URB1: variants seen among roughly 807,000 people sequenced by gnomAD.
URB1 encodes nucleolar pre-ribosomal-associated protein 1.
A neutral mutation model predicts 242.3 loss-of-function variants in URB1; 197 were observed. The ratio of observed to expected loss-of-function variants is 0.81; its 90% confidence interval spans 0.72 to 0.91. URB1 has a LOEUF of 0.91. URB1 is among the 40% of genes least tolerant of loss of function. The pLI, the probability that URB1 is intolerant of heterozygous loss-of-function variation, is 0.00. For missense variants in URB1, 2,721 were observed against 2,860.5 expected, an observed-to-expected ratio of 0.95 and a Z score of 1.11; for synonymous variants, 1,153 against 1,201.8, an observed-to-expected ratio of 0.96 and a Z score of 0.84.
At chr21:32,322,649 A>G in intron 32 of URB1, 65 bp from the exon 33 acceptor site, 2 of 1,203,248 alleles carry the variant, frequency 1.7e-6, no homozygotes, top group Non-Finnish European at 2.4e-6. Flanking sequence ...GTCTGGCAGC[A>G]CTAAGAGGCA....
At chr21:32,358,621 C>T (rs930039032) in intron 14 of URB1, among the ~76,000 whole-genome samples, 1 of 152,164 alleles carries the variant, frequency 6.6e-6, no homozygotes, top group Non-Finnish European at 1.5e-5. Flanking sequence ...CAGATATAAG[C>T]ATAAGGTGGG....
At chr21:32,348,175 G>T (rs1025917651) in intron 21 of URB1, among the ~76,000 whole-genome samples, 3 of 152,156 alleles carry the variant, frequency 2.0e-5, no homozygotes, top group Non-Finnish European at 4.4e-5. Context: ...CACTCAGTGT[G>T]GGGGGCGGGC....
intron 30 of URB1, among the ~76,000 whole-genome samples, chr21:32,330,197 GTTTTTTTTTTTT>G (rs34078592): frequency 3.5e-5 from 3 of 84,700 alleles, no homozygotes; most frequent in Admixed American, 1.4e-4. Context: ...TTTGGGGAGT[GTTTTTTTTTTTT>G]TTTTTTTTTT....
chr21:32,343,317 A>G (rs1230042736), intron 24 of URB1, among the ~76,000 whole-genome samples: 1 of 152,246 alleles, frequency 6.6e-6, no homozygotes, highest in East Asian at 1.9e-4. Flanking sequence ...ATCATACAGT[A>G]GAATTCTACT....
At chr21:32,352,932 G>A (rs2033175080) in intron 18 of URB1, 26 bp from the exon 19 acceptor site, 2 of 1,515,132 alleles carry the variant, frequency 1.3e-6, no homozygotes, top group Admixed American at 2.0e-5. Context: ...ATGCATATGG[G>A]AAGAGGCTGG....
intron 12 of URB1, among the ~76,000 whole-genome samples, chr21:32,361,663 A>G (rs1324118714): frequency 6.6e-6 from 1 of 152,224 alleles, no homozygotes; most frequent in African/African-American, 2.4e-5. Context: ...AGAGAGACAC[A>G]GTGCTCGCAT....
Position 32,316,739 on chromosome 21 carries a change from G to A in URB1, c.6361C>T (p.Leu2121Phe). The A allele has an allele frequency of 1.3e-6, 2 of 1,551,356 alleles. No individual in the cohort carries two copies. The highest frequency in any genetic ancestry group is 1.2e-5 in the South Asian group (1 of 84,058). The change falls in exon 38 of 39, where the codon CTC becomes TTC. Residue 2121 changes from leucine to phenylalanine, a missense_variant. Physicochemically the swap from Leu to Phe is conservative, Grantham distance 22. Transcript: ENST00000382751. ...ATATGGCTCTTAAGCCAGCCAATGA[G>A]TCCTGCAGCCTCTGCCCTGCTGAGC... Reference protein sequence around the residue: ...HPLSRAEAAGLIGWLKSHILP... With the variant: ...HPLSRAEAAGFIGWLKSHILP...
At position 32,341,543 on chromosome 21, in the gene URB1, A is replaced by C. The variant is rs2033030176; in HGVS notation, c.4258-19T>G. On this transcript the variant is annotated intron_variant, in intron 24 of 38. Transcript: ENST00000382751. ...GTGCATGCTATGAATAAAATAAGTA[A>C]GAAAAACACATGAAACATCTCAGTC... 6.5e-7 allele frequency: 1 copy of C among 1,549,838 alleles called. No homozygotes were observed. The highest frequency in any genetic ancestry group is 1.4e-5 in the African/African-American group (1 of 73,036).
At chr21:32,390,480 T>C (rs922129851) in intron 1 of URB1, among the ~76,000 whole-genome samples, 1 of 150,642 alleles carries the variant, frequency 6.6e-6, no homozygotes, top group Non-Finnish European at 1.5e-5. Context: ...TTTTTTTTTT[T>C]CTTGTAAATT....
chr21:32,350,134 A>G (rs970280096), intron 20 of URB1, among the ~76,000 whole-genome samples: 1 of 151,024 alleles, frequency 6.6e-6, no homozygotes, highest in Non-Finnish European at 1.5e-5. Context: ...AGAAAAAAAA[A>G]AAAAAGAGGG....
intron 1 of URB1, among the ~76,000 whole-genome samples, chr21:32,388,767 T>A (rs375753195): frequency 2.3e-4 from 35 of 152,356 alleles, no homozygotes; most frequent in African/African-American, 7.9e-4. Flanking sequence ...TTTTAAGGAA[T>A]TATTCGTCAA....
intron 28 of URB1, among the ~76,000 whole-genome samples, chr21:32,336,724 C>A (rs957670478): frequency 6.6e-6 from 1 of 152,184 alleles, no homozygotes; most frequent in Non-Finnish European, 1.5e-5. Context: ...ACAGTTGAGC[C>A]CCCTGACACT....
chr21:32,321,299 G>C (rs1440244205), intron 34 of URB1, among the ~76,000 whole-genome samples: 1 of 152,156 alleles, frequency 6.6e-6, no homozygotes, highest in Non-Finnish European at 1.5e-5. Flanking sequence ...ACACACACCA[G>C]CTCTTGGTTC....
At chr21:32,375,529 A>T (rs768219265) in intron 5 of URB1, 46 bp from the exon 6 acceptor site, 1 of 1,178,530 alleles carries the variant, frequency 8.5e-7, no homozygotes, top group Non-Finnish European at 1.2e-6. Context: ...ATATTTTGAA[A>T]ATGAGAATAG....
At chr21:32,383,336 CA>C (rs2033547363) in intron 4 of URB1, 85 bp downstream of exon 4, 3 of 1,429,518 alleles carry the variant, frequency 2.1e-6, no homozygotes, top group African/African-American at 1.5e-5. Flanking sequence ...GTGTGGGGAT[CA>C]GGGGCAGAGA....
rs529863059 is a variant in URB1, at chr21:32,323,861, G to A, written c.5233+630C>T. On this transcript the variant is annotated intron_variant, in intron 32 of 38. Transcript: ENST00000382751. Reference sequence around the variant, plus strand: ...TCGCTGTAGTCCCAGCTACTCGGGAGGCTGAGGTAAGAGATTACCTGAGCC... The same window carrying A: ...TCGCTGTAGTCCCAGCTACTCGGGAAGCTGAGGTAAGAGATTACCTGAGCC... Among the ~76,000 whole-genome samples the A allele has an allele frequency of 1.1e-3, 170 of 152,300 alleles. 1 individual carries two copies. The highest frequency in any genetic ancestry group is 3.7e-3 in the African/African-American group (153 of 41,564).
chr21:32,378,302 C>T, intron 5 of URB1, 143 bp downstream of exon 5: 2 of 707,508 alleles, frequency 2.8e-6, no homozygotes, highest in Non-Finnish European at 4.9e-6. Flanking sequence ...ACCCGCTCAC[C>T]CACCTCCCTG....
chr21:32,361,971 CTTT>C lies in URB1; in HGVS notation c.1557_1559del (p.Lys520del). 6.4e-7 allele frequency: 1 copy of C among 1,551,596 alleles called. No homozygotes were observed. The highest frequency in any genetic ancestry group is 8.7e-7 in the Non-Finnish European group (1 of 1,146,906). On this transcript the variant is annotated inframe_deletion, in exon 12 of 39. Transcript: ENST00000382751. ...TCTTGTCATCCTGTTTGGTCTCTTG[CTTT>C]TTAAGTGACTGCCAGACCCACACGA...
chr21:32,357,985 C>T (rs1001649595), intron 14 of URB1, among the ~76,000 whole-genome samples: 1 of 152,142 alleles, frequency 6.6e-6, no homozygotes, highest in East Asian at 1.9e-4. Flanking sequence ...GTCCAGATGA[C>T]GCCACTGCAC....
Sources: allele counts gnomAD v4.1 joint callset (sites outside exome capture counted in the v4.1 genomes callset), GRCh38; gene constraint gnomAD v4.1.1; transcripts MANE v1.5; gene names NCBI Gene and HGNC (gene_info 2026-07-23, HGNC 2026-07-21).